RBPMS: variants seen among roughly 807,000 people sequenced by gnomAD.
The protein encoded by RBPMS is RNA binding protein, mRNA processing factor, also known as RNA-binding protein with multiple splicing.
RBPMS carries 7 observed loss-of-function variants against 26.8 expected under a neutral mutation model. The observed-to-expected ratio is 0.26, with a 90% CI of 0.15 to 0.49. The LOEUF (loss-of-function observed/expected upper bound fraction) is 0.49. Among genes scored for constraint, RBPMS ranks in the 20% least tolerant of loss-of-function variants. RBPMS has a pLI of 0.98. For missense variants in RBPMS, 186 were observed against 250.0 expected, an observed-to-expected ratio of 0.74 and a Z score of 1.73; for synonymous variants, 96 against 93.3, an observed-to-expected ratio of 1.03 and a Z score of -0.17.
At chr8:30,469,717 T>C in intron 1 of RBPMS, among the ~76,000 whole-genome samples, 1 of 152,244 alleles carries the variant, frequency 6.6e-6, no homozygotes, top group East Asian at 1.9e-4. Flanking sequence ...ACATTGCTGG[T>C]AAACTAAGGG....
chr8:30,417,330 T>TG (rs1388554719), intron 1 of RBPMS, among the ~76,000 whole-genome samples: 2 of 152,216 alleles, frequency 1.3e-5, no homozygotes, highest in Non-Finnish European at 2.9e-5. Flanking sequence ...AGAGCCTTCA[T>TG]GGTGCTGATT....
intron 1 of RBPMS, among the ~76,000 whole-genome samples, chr8:30,408,017 AAT>A (rs1314252211): frequency 6.6e-6 from 1 of 152,096 alleles, no homozygotes; most frequent in Non-Finnish European, 1.5e-5. Context: ...AGCTCTCAGC[AAT>A]CAGTAATGTG....
At chr8:30,492,806 G>A (rs915172167) in intron 4 of RBPMS, among the ~76,000 whole-genome samples, 2 of 152,118 alleles carry the variant, frequency 1.3e-5, no homozygotes, top group Admixed American at 1.3e-4. Flanking sequence ...TAAGAATAAG[G>A]TTGTGATTTC....
intron 2 of RBPMS, among the ~76,000 whole-genome samples, chr8:30,475,240 A>G (rs1313043032): frequency 1.3e-5 from 2 of 152,224 alleles, no homozygotes; most frequent in Non-Finnish European, 2.9e-5. Flanking sequence ...CCTAGGTGTA[A>G]GTTGATGGTA....
intron 6 of RBPMS, chr8:30,549,376 A>T: frequency 1.3e-6 from 1 of 784,462 alleles, no homozygotes; most frequent in South Asian, 1.5e-5. Flanking sequence ...TATCCGGAAA[A>T]CGACAGCTTT....
intron 6 of RBPMS, among the ~76,000 whole-genome samples, chr8:30,548,576 T>C (rs973517804): frequency 1.3e-5 from 2 of 152,188 alleles, no homozygotes; most frequent in Non-Finnish European, 2.9e-5. Flanking sequence ...TATAACAGAC[T>C]GCCTGAGGAC....
intron 7 of RBPMS, chr8:30,564,000 A>C (rs1439135339): frequency 6.6e-6 from 1 of 152,144 alleles, no homozygotes; most frequent in Admixed American, 6.5e-5. Flanking sequence ...CCTGGGGAGG[A>C]GATGGGTAAT....
intron 8 of RBPMS, among the ~76,000 whole-genome samples, chr8:30,569,281 G>A (rs1217423198): frequency 6.6e-6 from 1 of 152,210 alleles, no homozygotes; most frequent in African/African-American, 2.4e-5. Flanking sequence ...TGGAGGGTTT[G>A]CATTTGGGCC....
At chr8:30,553,468 GC>G (rs1346037980) in intron 6 of RBPMS, 2 of 152,242 alleles carry the variant, frequency 1.3e-5, no homozygotes, top group Admixed American at 1.3e-4. Context: ...CCTCTCTTCA[GC>G]CTGGCAGTCT....
chr8:30,468,846 T>C (rs1449338489), intron 1 of RBPMS, among the ~76,000 whole-genome samples: 1 of 152,112 alleles, frequency 6.6e-6, no homozygotes, highest in Admixed American at 6.5e-5. Context: ...AGAATATGGG[T>C]AGATAGAGAG....
chr8:30,547,577 T>TA, intron 6 of RBPMS: 1 of 1,147,204 alleles, frequency 8.7e-7, no homozygotes, highest in Non-Finnish European at 1.2e-6. Context: ...GCAAAGGTGT[T>TA]ACTCTCTGAC....
chr8:30,566,842 C>T (rs528563970), intron 8 of RBPMS, among the ~76,000 whole-genome samples: 1 of 152,118 alleles, frequency 6.6e-6, no homozygotes, highest in African/African-American at 2.4e-5. Flanking sequence ...AGGATAATTA[C>T]CCTGGAGCAT....
intron 5 of RBPMS, among the ~76,000 whole-genome samples, chr8:30,529,508 A>G (rs1003339007): frequency 6.6e-6 from 1 of 151,692 alleles, no homozygotes; most frequent in Non-Finnish European, 1.5e-5. Context: ...ACCTAAAAAA[A>G]AAGAAAAGAC....
At chr8:30,410,156 AC>A (rs1417375632) in intron 1 of RBPMS, among the ~76,000 whole-genome samples, 1 of 138,348 alleles carries the variant, frequency 7.2e-6, no homozygotes, top group Non-Finnish European at 1.5e-5. Flanking sequence ...ACACACACAC[AC>A]ACACACACAC....
chr8:30,528,806 G>T (rs1823883729), intron 5 of RBPMS, among the ~76,000 whole-genome samples: 1 of 152,076 alleles, frequency 6.6e-6, no homozygotes, highest in Non-Finnish European at 1.5e-5. Flanking sequence ...CCAAGGTGGG[G>T]GTTTTTTGGT....
chr8:30,470,752 C>G (rs1429966755), intron 1 of RBPMS, among the ~76,000 whole-genome samples: 1 of 152,158 alleles, frequency 6.6e-6, no homozygotes, highest in African/African-American at 2.4e-5. Flanking sequence ...TGCCAAACAT[C>G]TGATCTGCCT....
At chr8:30,503,409 G>A (rs12541111) in intron 4 of RBPMS, among the ~76,000 whole-genome samples, 29,079 of 151,410 alleles carry the variant, frequency 0.19, 3,122 homozygotes, top group South Asian at 0.39. Flanking sequence ...ATGCCGCCAC[G>A]CCCAGCTAAT....
intron 4 of RBPMS, among the ~76,000 whole-genome samples, chr8:30,503,282 G>A (rs925645724): frequency 6.6e-6 from 1 of 152,088 alleles, no homozygotes; most frequent in Non-Finnish European, 1.5e-5. Context: ...ACAGAGTCTA[G>A]CTCTGTCACC....
chr8:30,445,021 C>G (rs1218370148), intron 1 of RBPMS: 1 of 151,324 alleles, frequency 6.6e-6, no homozygotes, highest in Non-Finnish European at 1.5e-5. Context: ...TTTTTTCTTA[C>G]CAAAGAGAGG....
Sources: gnomAD v4.1 joint callset for allele counts (sites outside exome capture counted in the v4.1 genomes callset) on GRCh38, gnomAD v4.1.1 for gene constraint, MANE v1.5 for transcripts, NCBI Gene and HGNC (gene_info 2026-07-23, HGNC 2026-07-21) for gene names.